The following SYN3 variants were observed in gnomAD, a reference collection of about 807,000 sequenced individuals.
The protein encoded by SYN3 is synapsin-3.
A neutral mutation model predicts 65.8 loss-of-function variants in SYN3; 35 were observed. The observed-to-expected ratio is 0.53, with a 90% CI of 0.41 to 0.70. SYN3 has a LOEUF of 0.70. Among genes scored for constraint, SYN3 ranks in the 30% least tolerant of loss-of-function variants. The pLI is 0.00. For synonymous variants in SYN3, 270 were observed against 292.9 expected (o/e 0.92, Z 0.80); for missense variants, 680 against 749.0 (o/e 0.91, Z 1.08).
At position 33,046,594 on chromosome 22, in the gene SYN3, G is replaced by C. The variant is rs534278441; in HGVS notation, c.-163+11698C>G. Among the ~76,000 whole-genome samples, 19 of 152,112 alleles carry C rather than the reference G, an allele frequency of 1.2e-4. 1 individual carries two copies. In the South Asian group the frequency reaches 3.9e-3, roughly 32 times the overall value. ...ATTAGCTGGGCGAGGTGGAATCCCA[G>C]CACTTTGGGAGGCCGAGGCAGGTGG... is the stretch of plus-strand genomic sequence containing the variant. On this transcript the variant is annotated intron_variant, in intron 1 of 13. Coordinates refer to ENST00000358763, the MANE Select transcript of SYN3 (RefSeq NM_003490.4).
chr22:32,955,157 A>T (rs1206376258), intron 3 of SYN3, among the ~76,000 whole-genome samples: 1 of 152,074 alleles, frequency 6.6e-6, no homozygotes, highest in Admixed American at 6.6e-5. Flanking sequence ...CCAGGTGAGG[A>T]CCTACTACTT....
At chr22:32,602,773 TTAA>T (rs2059303884) in intron 6 of SYN3, among the ~76,000 whole-genome samples, 1 of 152,114 alleles carries the variant, frequency 6.6e-6, no homozygotes, top group Non-Finnish European at 1.5e-5. Context: ...CCTGATAGTT[TTAA>T]TAATAGCTGC....
intron 1 of SYN3, among the ~76,000 whole-genome samples, chr22:33,024,330 G>A (rs2053606024): frequency 6.6e-6 from 1 of 152,124 alleles, no homozygotes; most frequent in Admixed American, 6.5e-5. Flanking sequence ...ATCATCTGGG[G>A]AACTTTCTCA....
chr22:32,643,993 G>A (rs1045707225), intron 6 of SYN3, among the ~76,000 whole-genome samples: 13 of 138,164 alleles, frequency 9.4e-5, no homozygotes, highest in Non-Finnish European at 1.5e-4. Context: ...CAGGAGAATC[G>A]CTTGAACCCA....
chr22:32,951,299 G>A (rs1156255988), intron 3 of SYN3, among the ~76,000 whole-genome samples: 1 of 151,942 alleles, frequency 6.6e-6, no homozygotes, highest in Admixed American at 6.6e-5. Flanking sequence ...CCAGCAGCAT[G>A]GCTGCCTTCC....
rs184578049 is a variant in SYN3, at chr22:32,615,755, T to C, written c.712-19019A>G. Among the ~76,000 whole-genome samples the C allele has an allele frequency of 3.1e-3, 474 of 152,322 alleles. 3 individuals carry two copies. Among genetic ancestry groups the C allele is most frequent in the African/African-American group, 0.011 (437 of 41,576 alleles). On this transcript the variant is annotated intron_variant, in intron 6 of 13. Transcript: ENST00000358763. ...AGAGAGAATAACACAGGCCGCTTTT[T>C]CCCACCTGTCTGCAGGGAGTAGAGA...
intron 7 of SYN3, among the ~76,000 whole-genome samples, chr22:32,565,491 T>G (rs1048987321): frequency 6.7e-6 from 1 of 150,170 alleles, no homozygotes; most frequent in African/African-American, 2.4e-5. Flanking sequence ...ATAAAAAATA[T>G]AAATTCATAC....
intron 6 of SYN3, among the ~76,000 whole-genome samples, chr22:32,667,756 G>T (rs2740991): frequency 1.3e-5 from 2 of 151,682 alleles, no homozygotes; most frequent in Non-Finnish European, 1.5e-5. Context: ...GAAGAGGATC[G>T]GGGAAGGCTT....
chr22:32,856,094 C>A (rs2048355613), intron 6 of SYN3, among the ~76,000 whole-genome samples: 1 of 152,176 alleles, frequency 6.6e-6, no homozygotes, highest in Non-Finnish European at 1.5e-5. Context: ...CCTCCCAGGG[C>A]TCTTTTAAGG....
At chr22:32,912,040 G>A (rs527466387) in intron 4 of SYN3, among the ~76,000 whole-genome samples, 2 of 152,294 alleles carry the variant, frequency 1.3e-5, no homozygotes, top group South Asian at 2.1e-4. Flanking sequence ...GTAGCTTATC[G>A]TACGCATCAA....
intron 7 of SYN3, among the ~76,000 whole-genome samples, chr22:32,566,818 T>TCAA (rs2058677922): frequency 6.6e-6 from 1 of 152,162 alleles, no homozygotes; most frequent in Non-Finnish European, 1.5e-5. Context: ...TCTTTAGTGT[T>TCAA]GAAAGATGCC....
intron 6 of SYN3, among the ~76,000 whole-genome samples, chr22:32,744,914 C>A (rs1367465436): frequency 1.3e-5 from 2 of 152,124 alleles, no homozygotes; most frequent in Admixed American, 6.6e-5. Context: ...GGGAGTCGGG[C>A]TTGTCCAGGA....
intron 6 of SYN3, chr22:32,849,545 T>A: frequency 1.2e-6 from 2 of 1,612,110 alleles, no homozygotes; most frequent in Non-Finnish European, 1.7e-6. Flanking sequence ...GTAGGTAATG[T>A]CATCACCCTG....
chr22:33,035,107 T>G (rs2053828385), intron 1 of SYN3, among the ~76,000 whole-genome samples: 1 of 151,434 alleles, frequency 6.6e-6, no homozygotes, highest in Non-Finnish European at 1.5e-5. Context: ...AGGAAAGGAG[T>G]GGGGTGGGCA....
intron 6 of SYN3, among the ~76,000 whole-genome samples, chr22:32,608,136 C>T (rs1045532601): frequency 3.3e-5 from 5 of 151,838 alleles, no homozygotes; most frequent in African/African-American, 4.8e-5. Context: ...GGTGTGATCT[C>T]GGCTCACTGC....
intron 7 of SYN3, among the ~76,000 whole-genome samples, chr22:32,575,308 A>G (rs1371961368): frequency 2.0e-5 from 3 of 152,240 alleles, no homozygotes; most frequent in Non-Finnish European, 2.9e-5. Flanking sequence ...TTTAACCCCA[A>G]TACTTGTGAT....
chr22:32,999,518 A>C (rs2052994264), intron 2 of SYN3, among the ~76,000 whole-genome samples: 1 of 152,154 alleles, frequency 6.6e-6, no homozygotes, highest in Admixed American at 6.5e-5. Context: ...AACCGTCTCT[A>C]CTAAAAATAC....
intron 6 of SYN3, among the ~76,000 whole-genome samples, chr22:32,843,233 C>T (rs527382575): frequency 1.3e-5 from 2 of 152,340 alleles, no homozygotes; most frequent in South Asian, 4.1e-4. Flanking sequence ...GCACACGTTG[C>T]TTGGCACCTA....
At chr22:32,677,251 G>T (rs2060458820) in intron 6 of SYN3, among the ~76,000 whole-genome samples, 1 of 152,084 alleles carries the variant, frequency 6.6e-6, no homozygotes, top group African/African-American at 2.4e-5. Context: ...AATCGGTGAT[G>T]AGTTTTTCAG....
Sources: gnomAD v4.1 joint callset for allele counts (sites outside exome capture counted in the v4.1 genomes callset) on GRCh38, gnomAD v4.1.1 for gene constraint, MANE v1.5 for transcripts, NCBI Gene and HGNC (gene_info 2026-07-23, HGNC 2026-07-21) for gene names.